The following SLC2A3 variants were observed in gnomAD, a reference collection of about 807,000 sequenced individuals.
The protein encoded by SLC2A3 is solute carrier family 2, facilitated glucose transporter member 3.
SLC2A3 carries 21 observed loss-of-function variants against 46.4 expected under a neutral mutation model. The observed-to-expected ratio is 0.45, with a 90% CI of 0.32 to 0.65. The LOEUF (loss-of-function observed/expected upper bound fraction) is 0.65. Ranked by LOEUF, SLC2A3 falls within the 30% of genes least tolerant of loss-of-function variation. The probability of loss-of-function intolerance (pLI) is 0.04; values close to 1 mark genes in which losing one functional copy is unlikely to be tolerated. For synonymous variants in SLC2A3, 213 were observed against 239.4 expected (o/e 0.89, Z 1.02); for missense variants, 499 against 623.3 (o/e 0.80, Z 2.12).
intron 6 of SLC2A3, among the ~76,000 whole-genome samples, chr12:7,927,247 A>T (rs1481467580): frequency 6.6e-6 from 1 of 152,166 alleles, no homozygotes; most frequent in African/African-American, 2.4e-5. Context: ...CTGTTAAGAA[A>T]TCTCAACATA....
chr12:7,931,043 A>C (rs1008890438), intron 4 of SLC2A3, among the ~76,000 whole-genome samples: 1 of 151,898 alleles, frequency 6.6e-6, no homozygotes, highest in Non-Finnish European at 1.5e-5. Flanking sequence ...TGATCTGCCC[A>C]CCTCGGCCTC....
rs1946036819 is a variant in SLC2A3 at position 7,921,525 on chromosome 12, T to G, written c.1379A>C (p.Asp460Ala). Residue 460 changes from aspartate to alanine, a missense_variant, in exon 10 of 10, where the codon GAT (aspartate) becomes GCT (alanine). Around this residue, in one of 5 missense-constraint regions of SLC2A3, gnomAD observed 179 missense variants for 205.1 expected, o/e 0.87. Transcript: ENST00000075120. ...VPETRGRTFE[D>A]ITRAFEGQAH... is the part of the protein sequence containing the mutation. ...CTGCCCTTCAAAGGCCCGTGTGATA[T>G]CCTCAAAAGTCCTGCCACGGGTCTC... 1.9e-6 allele frequency: 3 copies of G among 1,613,910 alleles called. No homozygotes were observed. Among genetic ancestry groups the G allele is most frequent in the Non-Finnish European group, 2.5e-6 (3 of 1,179,868 alleles).
intron 6 of SLC2A3, among the ~76,000 whole-genome samples, chr12:7,928,376 C>T (rs971112149): frequency 2.6e-4 from 39 of 151,480 alleles, no homozygotes; most frequent in African/African-American, 7.8e-4. Flanking sequence ...CCAGCCTGGG[C>T]GATCGAGTGA....
Position 7,930,576 on chromosome 12 carries a change from G to C in SLC2A3, c.577C>G (p.Leu193Val). ...GCTGCACTTTGTAGGATAGCAGGAA[G>C]GATGGTAAAACCCAGTAGCAGCGGC... ...LWPLLLGFTI[L>V]PAILQSAALP... The change falls in exon 5 of 10, where the codon CTT becomes GTT. Residue 193 changes from leucine to valine, a missense_variant. Around this residue, in one of 5 missense-constraint regions of SLC2A3, gnomAD observed 248 missense variants for 284.0 expected, o/e 0.87. Coordinates refer to ENST00000075120, the MANE Select transcript of SLC2A3 (RefSeq NM_006931.3). The C allele has an allele frequency of 6.2e-7, 1 of 1,613,958 alleles. No individual in the cohort carries two copies.
rs781392204 is a variant in SLC2A3, at chr12:7,923,131, T to G, written c.1069-107A>C. ...AGCTCCTCCTGTCCCTGACGTACAA[T>G]ACAAAGAGTGGCTGTGGAGTCAAAA... On this transcript the variant is annotated intron_variant, in intron 8 of 9. Transcript: ENST00000075120. The G allele has an allele frequency of 1.9e-5, 20 of 1,043,428 alleles. No homozygotes were observed. The East Asian group carries it at 5.0e-4, about 26-fold the overall frequency. The allele number at this position is 1,043,428 out of a possible 1,614,324, so 64.6% of individuals were successfully genotyped here. A position where few individuals can be genotyped will look rare whatever the true frequency, so the allele number is the denominator to read the frequency against.
chr12:7,935,009 T>C (rs1262831273), intron 1 of SLC2A3, among the ~76,000 whole-genome samples: 1 of 152,172 alleles, frequency 6.6e-6, no homozygotes, highest in African/African-American at 2.4e-5. Context: ...CTTTCTGCTT[T>C]GTAGAGATGG....
chr12:7,925,992 C>A (rs752970281), intron 6 of SLC2A3, 44 bp from the exon 7 acceptor site: 1 of 1,492,630 alleles, frequency 6.7e-7, no homozygotes, highest in Non-Finnish European at 9.3e-7. Context: ...ATTCTGCACA[C>A]CAGTTACACA....
chr12:7,923,950 TAG>T (rs1372441450), intron 8 of SLC2A3, among the ~76,000 whole-genome samples: 1 of 151,942 alleles, frequency 6.6e-6, no homozygotes, highest in Non-Finnish European at 1.5e-5. Flanking sequence ...CTATTTTTAA[TAG>T]AGACGGGGTT....
intron 6 of SLC2A3, chr12:7,929,453 CTTT>C (rs11294774): frequency 2.0e-5 from 10 of 493,334 alleles, no homozygotes; most frequent in African/African-American, 4.0e-5. Context: ...CTTCCAGGGT[CTTT>C]TTTTTTTTTC....
In SLC2A3 at chr12:7,921,227, A is replaced by G. The variant is rs12579221; in HGVS notation, c.*186T>C. 3.7e-4 allele frequency: 455 copies of G among 1,216,774 alleles called. 4 individuals carry two copies. The East Asian group carries it at 8.7e-3, about 23-fold the overall frequency. The allele number at this position is 1,216,774 out of a possible 1,614,324, so 75.4% of individuals were successfully genotyped here. ...AAGCAGAAGAGGATGTCCAGGAAATAAAATTTAAAAAGCCATTGAAGATCC... is the reference window on the plus strand; with the variant it reads ...AAGCAGAAGAGGATGTCCAGGAAATGAAATTTAAAAAGCCATTGAAGATCC... On this transcript the variant is annotated 3_prime_UTR_variant, in exon 10 of 10. Transcript: ENST00000075120.
chr12:7,930,898 G>A (rs1290633926), intron 4 of SLC2A3, among the ~76,000 whole-genome samples: 1 of 141,444 alleles, frequency 7.1e-6, no homozygotes, highest in Non-Finnish European at 1.5e-5. Flanking sequence ...CCGGGTTCAC[G>A]CCATTCTCCC....
At chr12:7,926,579 G>C (rs1946097196) in intron 6 of SLC2A3, among the ~76,000 whole-genome samples, 1 of 152,060 alleles carries the variant, frequency 6.6e-6, no homozygotes, top group Non-Finnish European at 1.5e-5. Context: ...GCCCAGGCTG[G>C]TCCTAAACTC....
In SLC2A3 at chr12:7,922,269, T is replaced by C. The variant is rs1946044766; in HGVS notation, c.1272+552A>G. ...TTGTAGAAACAGGGTTTCACCATGATAGTCAGGTTGGTCCCCAACTCCTGA... is the reference window on the plus strand; with the variant it reads ...TTGTAGAAACAGGGTTTCACCATGACAGTCAGGTTGGTCCCCAACTCCTGA... On this transcript the variant is annotated intron_variant, in intron 9 of 9. Transcript: ENST00000075120. Among the ~76,000 whole-genome samples the C allele has an allele frequency of 5.3e-5, 8 of 152,122 alleles. No homozygotes were observed. The South Asian group carries it at 1.7e-3, about 32-fold the overall frequency.
intron 3 of SLC2A3, among the ~76,000 whole-genome samples, chr12:7,931,831 C>T (rs1210755320): frequency 3.3e-5 from 5 of 151,456 alleles, no homozygotes; most frequent in East Asian, 1.9e-4. Flanking sequence ...GTTGCTTTAC[C>T]GATTTTTAAA....
chr12:7,926,057 G>A (rs1220909426), intron 6 of SLC2A3, 109 bp from the exon 7 acceptor site: 1 of 883,724 alleles, frequency 1.1e-6, no homozygotes, highest in Non-Finnish European at 1.9e-6. Context: ...CTTTTTCTAG[G>A]TTTTCGTTCA....
intron 9 of SLC2A3, among the ~76,000 whole-genome samples, chr12:7,921,861 A>G (rs1359917149): frequency 6.6e-6 from 1 of 151,936 alleles, no homozygotes. Context: ...CCAAATGTCT[A>G]CTGAGTATTT....
At chr12:7,924,383 C>T (rs1238150029) in intron 8 of SLC2A3, 27 bp downstream of exon 8, 47 of 1,605,918 alleles carry the variant, frequency 2.9e-5, no homozygotes, top group Non-Finnish European at 3.9e-5. Flanking sequence ...TTCCCCCTCC[C>T]TTTTTTTTCA....
chr12:7,922,346 T>G (rs758282392), intron 9 of SLC2A3, among the ~76,000 whole-genome samples: 7 of 152,180 alleles, frequency 4.6e-5, no homozygotes, highest in Admixed American at 1.3e-4. Flanking sequence ...ATTACAGGCT[T>G]GAGCCACTGT....
In SLC2A3 at chr12:7,919,425, C is replaced by CT. The variant is rs1946013137; in HGVS notation, c.*1987_*1988insA. 6.7e-6 allele frequency: 1 copy of CT among 149,598 alleles called. No homozygotes were observed. Among genetic ancestry groups the CT allele is most frequent in the African/African-American group, 2.5e-5 (1 of 39,354 alleles). The allele number at this position is 149,598 out of a possible 1,614,324, so 9.3% of individuals were successfully genotyped here. On this transcript the variant is annotated 3_prime_UTR_variant, in exon 10 of 10. Transcript: ENST00000075120. ...CTAAAGCACACTTGATAGCTATGTGCATTTTTTTTTTTTTGAGACGGAGTC... is the reference window on the plus strand; with the variant it reads ...CTAAAGCACACTTGATAGCTATGTGCTATTTTTTTTTTTTTGAGACGGAGTC...
Sources: allele counts gnomAD v4.1 joint callset (sites outside exome capture counted in the v4.1 genomes callset), GRCh38; gene constraint gnomAD v4.1.1; regional missense constraint gnomAD v4.1.1; transcripts MANE v1.5; gene names NCBI Gene and HGNC (gene_info 2026-07-23, HGNC 2026-07-21).